The following CLDN10 variants were observed in gnomAD, a reference collection of about 807,000 sequenced individuals.
The protein encoded by CLDN10 is claudin 10.
Under a neutral mutation model 22.9 loss-of-function variants are expected in CLDN10, and 15 were observed. The ratio of observed to expected loss-of-function variants is 0.65; its 90% CI spans 0.44 to 1.01. CLDN10 has a LOEUF of 1.01. Among genes scored for constraint, CLDN10 ranks in the 50% least tolerant of loss-of-function variants. The probability of loss-of-function intolerance (pLI) is 0.00; values close to 1 mark genes in which losing one functional copy is unlikely to be tolerated. For missense variants in CLDN10, 247 were observed against 287.8 expected, an observed-to-expected ratio of 0.86 and a Z score of 1.03; for synonymous variants, 114 against 111.4, an observed-to-expected ratio of 1.02 and a Z score of -0.15.
rs117049920 is a variant in CLDN10, at chr13:95,459,704, C to A, written c.214+25657C>A. Among the ~76,000 whole-genome samples the A allele has an allele frequency of 2.3e-3, 353 of 152,338 alleles. 10 individuals carry two copies. In the East Asian group the frequency reaches 0.055, roughly 24 times the overall value. ...ATGGAAGGGGCAGCCATGAAGACCT[C>A]TGACATGCCCTGGAGACATCTTCTC... On this transcript the variant is annotated intron_variant, in intron 1 of 4. Transcript: ENST00000376873.
At chr13:95,470,487 C>T (rs1322445092) in intron 1 of CLDN10, among the ~76,000 whole-genome samples, 3 of 152,062 alleles carry the variant, frequency 2.0e-5, no homozygotes, top group Non-Finnish European at 1.5e-5. Flanking sequence ...GAGTAGTAAC[C>T]ATTTACACAA....
chr13:95,542,609 C>T (rs2043470460), intron 1 of CLDN10, among the ~76,000 whole-genome samples: 1 of 152,204 alleles, frequency 6.6e-6, no homozygotes, highest in Non-Finnish European at 1.5e-5. Context: ...GAGTTCAAGA[C>T]CAGCCTGGCC....
At chr13:95,563,498 C>T (rs2043745352) in intron 3 of CLDN10, among the ~76,000 whole-genome samples, 2 of 152,062 alleles carry the variant, frequency 1.3e-5, no homozygotes, top group Non-Finnish European at 2.9e-5. Context: ...AAATAACAGG[C>T]CCTTTGCATC....
At chr13:95,436,506 CT>C (rs2042273377) in intron 1 of CLDN10, among the ~76,000 whole-genome samples, 1 of 152,124 alleles carries the variant, frequency 6.6e-6, no homozygotes, top group African/African-American at 2.4e-5. Flanking sequence ...TTAAAGTTAA[CT>C]TTGTTTATTG....
chr13:95,455,116 G>A (rs2042469855), intron 1 of CLDN10, among the ~76,000 whole-genome samples: 1 of 151,746 alleles, frequency 6.6e-6, no homozygotes, highest in East Asian at 1.9e-4. Context: ...GTTAGAGGCT[G>A]CAGTGAGCCA....
At chr13:95,566,584 T>C (rs1266484595) in intron 3 of CLDN10, among the ~76,000 whole-genome samples, 2 of 152,240 alleles carry the variant, frequency 1.3e-5, no homozygotes, top group Admixed American at 6.5e-5. Flanking sequence ...TTGTTCACTC[T>C]GATGGCAGTT....
chr13:95,526,999 G>C (rs2043288510), intron 1 of CLDN10, among the ~76,000 whole-genome samples: 1 of 152,126 alleles, frequency 6.6e-6, no homozygotes, highest in African/African-American at 2.4e-5. Context: ...GGTGAGGAGG[G>C]AGGATTTGCC....
At chr13:95,512,011 C>T (rs2043106884) in intron 1 of CLDN10, among the ~76,000 whole-genome samples, 1 of 131,312 alleles carries the variant, frequency 7.6e-6, no homozygotes, top group African/African-American at 2.6e-5. Context: ...CCCCCCACCC[C>T]ACAACAGTCC....
chr13:95,477,206 A>G (rs2139109823), intron 1 of CLDN10, among the ~76,000 whole-genome samples: 1 of 152,322 alleles, frequency 6.6e-6, no homozygotes, highest in South Asian at 2.1e-4. Flanking sequence ...GTCAAGAGGC[A>G]GAGGGAGAAG....
At chr13:95,524,872 T>C (rs1316228417) in intron 1 of CLDN10, among the ~76,000 whole-genome samples, 1 of 151,438 alleles carries the variant, frequency 6.6e-6, no homozygotes, top group Admixed American at 6.6e-5. Flanking sequence ...TTTATTTTTT[T>C]TTTTGAGACA....
intron 1 of CLDN10, among the ~76,000 whole-genome samples, chr13:95,448,726 A>G (rs1434880597): frequency 6.6e-6 from 1 of 150,440 alleles, no homozygotes; most frequent in Non-Finnish European, 1.5e-5. Context: ...ATAGTATTTT[A>G]TTTTATTTTA....
chr13:95,476,022 G>T (rs2042683137), intron 1 of CLDN10, among the ~76,000 whole-genome samples: 1 of 152,158 alleles, frequency 6.6e-6, no homozygotes, highest in Admixed American at 6.5e-5. Flanking sequence ...CGCCCAGATT[G>T]CTTCCTTCCG....
chr13:95,541,443 G>A (rs932755978), intron 1 of CLDN10, among the ~76,000 whole-genome samples: 1 of 152,168 alleles, frequency 6.6e-6, no homozygotes, highest in Non-Finnish European at 1.5e-5. Flanking sequence ...CTTGCTAGCT[G>A]CATATGTGTA....
At chr13:95,509,776 T>A (rs1285074792) in intron 1 of CLDN10, among the ~76,000 whole-genome samples, 1 of 152,132 alleles carries the variant, frequency 6.6e-6, no homozygotes, top group Non-Finnish European at 1.5e-5. Flanking sequence ...ATTGGTGGTT[T>A]CCTGCCACCA....
At chr13:95,449,936 G>A (rs1454895738) in intron 1 of CLDN10, among the ~76,000 whole-genome samples, 2 of 151,866 alleles carry the variant, frequency 1.3e-5, no homozygotes, top group Non-Finnish European at 2.9e-5. Flanking sequence ...GTAGAGACGG[G>A]GTTTCACCGT....
chr13:95,579,422 C>G lies in CLDN10; in HGVS notation c.*1408C>G, dbSNP rs957389123. The G allele has an allele frequency of 1.3e-5, 2 of 152,166 alleles. No individual in the cohort carries two copies. The highest frequency in any genetic ancestry group is 2.4e-5 in the African/African-American group (1 of 41,440). The allele number at this position is 152,166 out of a possible 1,614,324, so 9.4% of individuals were successfully genotyped here. A position where few individuals can be genotyped will look rare whatever the true frequency, so the allele number is the denominator to read the frequency against. Reference sequence around the variant, plus strand: ...TGTCTCACTCACTCCTCACAGCCATCCTAGGAGATACATATTGTTTTCATC... The same window carrying G: ...TGTCTCACTCACTCCTCACAGCCATGCTAGGAGATACATATTGTTTTCATC... On this transcript the variant is annotated 3_prime_UTR_variant, in exon 5 of 5. Coordinates refer to ENST00000299339, the MANE Select transcript of CLDN10 (RefSeq NM_006984.5).
At chr13:95,461,061 G>A (rs1349185859) in intron 1 of CLDN10, among the ~76,000 whole-genome samples, 1 of 152,082 alleles carries the variant, frequency 6.6e-6, no homozygotes, top group African/African-American at 2.4e-5. Flanking sequence ...GCAGTGAGCC[G>A]AGATCAGCTC....
In CLDN10 at chr13:95,501,131, G is replaced by A. The variant is rs547624670; in HGVS notation, c.215-59001G>A. Among the ~76,000 whole-genome samples the A allele has an allele frequency of 6.6e-5, 10 of 151,210 alleles. No homozygotes were observed. The South Asian group carries it at 1.9e-3, about 29-fold the overall frequency. Reference sequence around the variant, plus strand: ...TGGGTTTAAGCGATTCTCCTGCCTCGGCCTTCCAAGTACCTGGGATTACAA... The same window carrying A: ...TGGGTTTAAGCGATTCTCCTGCCTCAGCCTTCCAAGTACCTGGGATTACAA... On this transcript the variant is annotated intron_variant, in intron 1 of 4. Coordinates refer to the CLDN10 transcript ENST00000376873.
At chr13:95,512,701 C>T (rs1471296276) in intron 1 of CLDN10, among the ~76,000 whole-genome samples, 1 of 152,124 alleles carries the variant, frequency 6.6e-6, no homozygotes, top group Non-Finnish European at 1.5e-5. Context: ...GCTGGCCATG[C>T]TTTCAATCAG....
Sources: allele counts gnomAD v4.1 joint callset (sites outside exome capture counted in the v4.1 genomes callset), GRCh38; gene constraint gnomAD v4.1.1; transcripts MANE v1.5; gene names NCBI Gene and HGNC (gene_info 2026-07-23, HGNC 2026-07-21).